Variants in PLCH1 observed in about 807,000 individuals in gnomAD.
The protein encoded by PLCH1 is phospholipase C eta 1.
Under a neutral mutation model 126.7 loss-of-function variants are expected in PLCH1, and 60 were observed. That is an observed-to-expected ratio of 0.47 (90% CI 0.38 to 0.59). PLCH1 has a LOEUF of 0.59. PLCH1 is among the 20% of genes least tolerant of loss of function. The pLI, the probability that PLCH1 is intolerant of heterozygous loss-of-function variation, is 0.00. For synonymous variants in PLCH1, 719 were observed against 734.9 expected, an observed-to-expected ratio of 0.98 and a Z score of 0.35; for missense variants, 1,723 against 2,040.0, an observed-to-expected ratio of 0.84 and a Z score of 2.99.
intron 4 of PLCH1, among the ~76,000 whole-genome samples, chr3:155,589,259 C>T (rs1322940485): frequency 6.6e-6 from 1 of 152,060 alleles, no homozygotes. Context: ...TCAGCTGCAA[C>T]TATTCCACTC....
At chr3:155,633,778 G>A (rs1029970166) in intron 2 of PLCH1, among the ~76,000 whole-genome samples, 2 of 152,130 alleles carry the variant, frequency 1.3e-5, no homozygotes, top group African/African-American at 4.8e-5. Flanking sequence ...AAATTAGCCG[G>A]GTATGGTGGT....
Position 155,627,583 on chromosome 3 carries a change from G to A in PLCH1, c.80-31205C>T, listed in dbSNP as rs1324598754. 6.6e-5 allele frequency among the ~76,000 whole-genome samples: 10 copies of A among 150,932 alleles called. No homozygotes were observed. In the South Asian group the frequency reaches 1.3e-3, roughly 19 times the overall value. On this transcript the variant is annotated intron_variant, in intron 2 of 22. Transcript: ENST00000460012. Reference sequence around the variant, plus strand: ...CGGGAGGCAGAGCTTGCAGTGAGCCGAGATTGTGCCACTGCACTTCAGATT... The same window carrying A: ...CGGGAGGCAGAGCTTGCAGTGAGCCAAGATTGTGCCACTGCACTTCAGATT...
At position 155,695,362 on chromosome 3, in the gene PLCH1, T is replaced by C. The variant is rs138405718; in HGVS notation, c.79+8784A>G. Among the ~76,000 whole-genome samples the C allele has an allele frequency of 3.3e-5, 5 of 152,338 alleles. No individual in the cohort carries two copies. The East Asian group carries it at 9.6e-4, about 29-fold the overall frequency. ...TCTTCATCTCAGCAAGGATGGTTTA[T>C]GAGTATTTTTTTTCTGGGTTTCCTA... is the stretch of plus-strand genomic sequence containing the variant. On this transcript the variant is annotated intron_variant, in intron 2 of 22. Coordinates refer to ENST00000460012, the MANE Select transcript of PLCH1 (RefSeq NM_014996.4).
At chr3:155,628,315 A>T (rs1303467375) in intron 2 of PLCH1, among the ~76,000 whole-genome samples, 1 of 147,818 alleles carries the variant, frequency 6.8e-6, no homozygotes, top group Non-Finnish European at 1.5e-5. Context: ...GTAACATAGG[A>T]TGTAAGACTT....
intron 2 of PLCH1, among the ~76,000 whole-genome samples, chr3:155,644,246 G>A (rs1739740736): frequency 6.6e-6 from 1 of 152,154 alleles, no homozygotes; most frequent in Non-Finnish European, 1.5e-5. Flanking sequence ...AGTCTCTGGA[G>A]CTCAGAGCTA....
At position 155,490,991 on chromosome 3, in the gene PLCH1, A is replaced by G. The variant is rs556223077; in HGVS notation, c.2308-123T>C. 5.0e-6 allele frequency: 3 copies of G among 602,222 alleles called. No homozygotes were observed. The East Asian group carries it at 8.6e-5, about 17-fold the overall frequency. 37.3% of individuals were successfully genotyped at this position (602,222 alleles called of 1,614,324 possible). The stretch of plus-strand genomic sequence containing the variant: ...CAACTGATTTTACAAGGTGCTTAGT[A>G]AGAAAAAGAAATGGTACTAGGTGTG... On this transcript the variant is annotated intron_variant, in intron 18 of 22. Transcript: ENST00000460012.
Position 155,456,450 on chromosome 3 carries a change from T to C in PLCH1, c.2938+28906A>G, listed in dbSNP as rs74701668. Among the ~76,000 whole-genome samples, 12 of 152,338 alleles carry C rather than the reference T, an allele frequency of 7.9e-5. No homozygotes were observed. In the East Asian group the frequency reaches 1.9e-3, roughly 24 times the overall value. ...CCCACAGGCCATGGGTTGGACAAGT[T>C]TGATCTAAAACAAAGGTGCCCAAAT... On this transcript the variant is annotated intron_variant, in intron 21 of 21. Transcript: ENST00000494598.
rs185277664 is a variant in PLCH1 at position 155,596,896 on chromosome 3, A to T, written c.80-518T>A. On this transcript the variant is annotated intron_variant, in intron 2 of 22. Transcript: ENST00000460012. ...AAAATAGCTAAATAAATTTCTGTAAATGTAATCAGAAAAAAATCAAGTTTT... is the reference window on the plus strand; with the variant it reads ...AAAATAGCTAAATAAATTTCTGTAATTGTAATCAGAAAAAAATCAAGTTTT... Among the ~76,000 whole-genome samples, 7 of 152,352 alleles carry T rather than the reference A, an allele frequency of 4.6e-5. No homozygotes were observed. In the East Asian group the frequency reaches 1.2e-3, roughly 25 times the overall value.
intron 2 of PLCH1, among the ~76,000 whole-genome samples, chr3:155,666,641 A>C (rs1411466848): frequency 6.6e-6 from 1 of 152,184 alleles, no homozygotes; most frequent in Non-Finnish European, 1.5e-5. Flanking sequence ...TTGAGTAGAT[A>C]ATCTATTTCT....
chr3:155,492,985 G>A (rs1025929864), intron 17 of PLCH1, 132 bp from the exon 18 acceptor site: 9 of 757,612 alleles, frequency 1.2e-5, no homozygotes, highest in African/African-American at 1.8e-5. Context: ...TATCAGTGTG[G>A]CATAGCTGTG....
intron 9 of PLCH1, among the ~76,000 whole-genome samples, chr3:155,551,879 A>T (rs1199597755): frequency 1.5e-4 from 23 of 152,142 alleles, no homozygotes; most frequent in Non-Finnish European, 2.9e-5. Context: ...ACTTGAAGTA[A>T]ATTGTCAAAT....
At chr3:155,662,461 G>A (rs1313245053) in intron 2 of PLCH1, among the ~76,000 whole-genome samples, 2 of 150,948 alleles carry the variant, frequency 1.3e-5, no homozygotes, top group African/African-American at 2.4e-5. Context: ...GAGTGACACC[G>A]TCTCTAAAAA....
chr3:155,616,985 T>C, intron 2 of PLCH1, among the ~76,000 whole-genome samples: 1 of 152,286 alleles, frequency 6.6e-6, no homozygotes, highest in East Asian at 1.9e-4. Flanking sequence ...ATATAATTAA[T>C]TTAATTTAAA....
At chr3:155,467,109 C>G (rs540438030) in intron 21 of PLCH1, among the ~76,000 whole-genome samples, 6 of 152,058 alleles carry the variant, frequency 3.9e-5, no homozygotes, top group Non-Finnish European at 8.8e-5. Flanking sequence ...ACTTCCTAAA[C>G]CTAGAGAAAT....
intron 10 of PLCH1, among the ~76,000 whole-genome samples, chr3:155,529,364 AAG>A (rs1045060626): frequency 6.7e-6 from 1 of 148,940 alleles, no homozygotes; most frequent in African/African-American, 2.5e-5. Flanking sequence ...TTTCAGCAAA[AAG>A]AGTCTATCGA....
chr3:155,561,818 G>A lies in PLCH1; in HGVS notation c.1069+3097C>T, dbSNP rs368443203. On this transcript the variant is annotated intron_variant, in intron 8 of 22. Coordinates refer to ENST00000460012, the MANE Select transcript of PLCH1 (RefSeq NM_014996.4). The stretch of plus-strand genomic sequence containing the variant: ...TTTTTTTTTGATGGAATCTCATTCT[G>A]TTGCCCAGGCTGGAGTGCAAAGGCA... Among the ~76,000 whole-genome samples the A allele has an allele frequency of 2.6e-5, 4 of 152,150 alleles. No individual in the cohort carries two copies. In the East Asian group the frequency reaches 5.8e-4, roughly 22 times the overall value.
At chr3:155,680,330 C>T (rs1469690098) in intron 2 of PLCH1, among the ~76,000 whole-genome samples, 1 of 152,054 alleles carries the variant, frequency 6.6e-6, no homozygotes, top group Non-Finnish European at 1.5e-5. Context: ...TTGCAGTGAG[C>T]CGAGATCATG....
At chr3:155,685,428 G>C (rs1472458439) in intron 2 of PLCH1, among the ~76,000 whole-genome samples, 1 of 152,214 alleles carries the variant, frequency 6.6e-6, no homozygotes, top group East Asian at 1.9e-4. Context: ...GGAAGAGAGA[G>C]AGCAACTGTG....
intron 6 of PLCH1, among the ~76,000 whole-genome samples, chr3:155,581,278 C>T (rs1730623741): frequency 6.6e-6 from 1 of 152,094 alleles, no homozygotes; most frequent in South Asian, 2.1e-4. Context: ...ATTAGGTGAC[C>T]CAACTTTTCC....
Sources: allele counts gnomAD v4.1 joint callset (sites outside exome capture counted in the v4.1 genomes callset), GRCh38; gene constraint gnomAD v4.1.1; transcripts MANE v1.5; gene names NCBI Gene and HGNC (gene_info 2026-07-23, HGNC 2026-07-21).